Variants in MAP1A observed in about 807,000 individuals in gnomAD.
MAP1A encodes the protein microtubule-associated protein 1A.
MAP1A carries 42 observed loss-of-function variants against 185.9 expected under a neutral mutation model. The ratio of observed to expected loss-of-function variants is 0.23; its 90% CI spans 0.18 to 0.29. The LOEUF is 0.29. Among genes scored for constraint, MAP1A ranks in the 10% least tolerant of loss-of-function variants. MAP1A has a pLI of 1.00. For missense variants in MAP1A, 2,995 were observed against 3,450.4 expected, an observed-to-expected ratio of 0.87 and a Z score of 3.31; for synonymous variants, 1,229 against 1,335.9, an observed-to-expected ratio of 0.92 and a Z score of 1.74.
chr15:43,518,704 G>GCC (rs1415845642), intron 1 of MAP1A, among the ~76,000 whole-genome samples: 322 of 104,302 alleles, frequency 3.1e-3, no homozygotes, highest in African/African-American at 0.013. Flanking sequence ...CTGCACCGCA[G>GCC]CCCACCCCCC....
chr15:43,516,303 A>G (rs1258799793), upstream of MAP1A, among the ~76,000 whole-genome samples: 1 of 152,150 alleles, frequency 6.6e-6, no homozygotes, highest in African/African-American at 2.4e-5. Context: ...TCAACCCCCA[A>G]GAGTACTAGT....
Position 43,524,503 on chromosome 15 carries a change from T to C in MAP1A, c.3030T>C (p.Phe1010=), listed in dbSNP as rs975365558. ...SGPPSATHTP[F]HQSPVEEKSE... ...CACCCAGTGCCACCCACACACCCTT[T>C]CATCAGTCCCCAGTGGAAGAAAAGT... is the stretch of plus-strand genomic sequence containing the variant. Residue 1010 remains phenylalanine (F), a synonymous_variant, in exon 4 of 6, where the codon TTT becomes TTC. Transcript: ENST00000300231. 17 of 1,613,954 alleles carry C rather than the reference T, an allele frequency of 1.1e-5. No individual in the cohort carries two copies. The highest frequency in any genetic ancestry group is 1.4e-5 in the Non-Finnish European group (16 of 1,180,030).
chr15:43,524,138 G>A lies in MAP1A; in HGVS notation c.2665G>A (p.Val889Met), dbSNP rs1264781418. Residue 889 changes from valine (V) to methionine (M), a missense_variant, in exon 4 of 6, where the codon GTG becomes ATG. Physicochemically the swap from Val to Met is conservative, Grantham distance 21. Around this residue, in one of 3 missense-constraint regions of MAP1A, gnomAD observed 2,728 missense variants for 2,986.0 expected, o/e 0.91. Transcript: ENST00000300231. ...TGAAGCTACGCAGGGCTTGGACTAT[G>A]TGCCATCAGCTGGTACCATCTCACC... The part of the protein sequence containing the change: ...RTEATQGLDY[V>M]PSAGTISPTS... 1.2e-6 allele frequency: 2 copies of A among 1,614,184 alleles called. No individual in the cohort carries two copies. The highest frequency in any genetic ancestry group is 1.7e-6 in the Non-Finnish European group (2 of 1,180,040).
rs1363596694 is a variant in MAP1A, at chr15:43,527,328, A to G, written c.5855A>G (p.Glu1952Gly). 12 of 1,613,992 alleles carry G rather than the reference A, an allele frequency of 7.4e-6. No homozygotes were observed. Among genetic ancestry groups the G allele is most frequent in the African/African-American group, 1.3e-5 (1 of 74,888 alleles). Residue 1952 changes from glutamate to glycine, a missense_variant, in exon 4 of 6, where the codon GAG (glutamate) becomes GGG (glycine). Around this residue, in one of 3 missense-constraint regions of MAP1A, gnomAD observed 2,728 missense variants for 2,986.0 expected, o/e 0.91. Transcript: ENST00000300231. ...ATTEPEQTEPEQREPTPYPDE... is the reference protein window; with the variant it reads ...ATTEPEQTEPGQREPTPYPDE... ...ACGGAGCCTGAGCAGACTGAGCCGGAGCAGAGAGAGCCCACACCCTATCCT... is the reference window on the plus strand; with the variant it reads ...ACGGAGCCTGAGCAGACTGAGCCGGGGCAGAGAGAGCCCACACCCTATCCT...
upstream of MAP1A, among the ~76,000 whole-genome samples, chr15:43,513,338 A>AG (rs1236532359): frequency 6.6e-6 from 1 of 152,282 alleles, no homozygotes; most frequent in East Asian, 1.9e-4. Flanking sequence ...AGGAAAAAAA[A>AG]AAAAAGAAAA....
rs779810665 is a variant in MAP1A at position 43,528,002 on chromosome 15, C to T, written c.6529C>T (p.Pro2177Ser). 3 of 1,613,952 alleles carry T rather than the reference C, an allele frequency of 1.9e-6. No individual in the cohort carries two copies. Among genetic ancestry groups the T allele is most frequent in the Admixed American group, 1.7e-5 (1 of 60,024 alleles). The change falls in exon 4 of 6, where the codon CCC becomes TCC. Residue 2177 changes from proline (P) to serine (S), a missense_variant. By Grantham distance (74) the Pro-to-Ser change is moderately conservative (BLOSUM62 -1). Coordinates refer to ENST00000300231, the MANE Select transcript of MAP1A (RefSeq NM_002373.6). ...AFGFSSLQPA[P>S]PQLPSPAEPR... Reference sequence around the variant, plus strand: ...TGGCTTCTCCTCATTGCAGCCAGCTCCCCCACAGCTGCCCTCTCCAGCTGA... The same window carrying T: ...TGGCTTCTCCTCATTGCAGCCAGCTTCCCCACAGCTGCCCTCTCCAGCTGA...
Position 43,521,530 on chromosome 15 carries a change from C to A in MAP1A, c.57C>A (p.Ser19=). ...TCTCTGAGACTGTGGACGTGCCATC[C>A]CCATTTGACCTACTAGAGCCCCCCA... ...EYVSETVDVP[S]PFDLLEPPTS... is the part of the protein sequence containing the mutation. The change falls in exon 4 of 6, where the codon TCC becomes TCA. Residue 19 remains serine (S), a synonymous_variant. Coordinates refer to ENST00000300231, the MANE Select transcript of MAP1A (RefSeq NM_002373.6). The surrounding 1 kb of genome is among the most constrained non-coding windows in gnomAD (Gnocchi z 4.6). 6.2e-7 allele frequency: 1 copy of A among 1,614,144 alleles called. No homozygotes were observed.
At chr15:43,520,803 G>A in intron 2 of MAP1A, 80 bp downstream of exon 2, 2 of 1,357,484 alleles carry the variant, frequency 1.5e-6, no homozygotes, top group Non-Finnish European at 1.0e-6. Flanking sequence ...CCACTATTAG[G>A]CCAAGAATTC....
At position 43,522,303 on chromosome 15, in the gene MAP1A, T is replaced by C. The variant is rs1219694485; in HGVS notation, c.830T>C (p.Leu277Ser). 1.2e-6 allele frequency: 2 copies of C among 1,614,114 alleles called. No homozygotes were observed. Among genetic ancestry groups the C allele is most frequent in the Admixed American group, 1.7e-5 (1 of 60,008 alleles). ...GGAAATGCTCCCCAAAACAAGATCT[T>C]GGAGGGCCTAGAAAAGCTTCGGCAT... ...FPGNAPQNKI[L>S]EGLEKLRHLD... The change falls in exon 4 of 6, where the codon TTG becomes TCG. Residue 277 changes from leucine (L) to serine (S), a missense_variant. Physicochemically the swap from Leu to Ser is moderately radical, Grantham distance 145. This residue lies in a region of MAP1A where 264 missense variants were observed against 435.3 expected (regional missense o/e 0.61). Transcript: ENST00000300231. This position sits in a 1 kb window ranked among gnomAD's most constrained non-coding sequence, Gnocchi z 5.9.
At position 43,527,810 on chromosome 15, in the gene MAP1A, G is replaced by A. The variant is rs1180904836; in HGVS notation, c.6337G>A (p.Gly2113Arg). 1 of 1,613,846 alleles carries A rather than the reference G, an allele frequency of 6.2e-7. No individual in the cohort carries two copies. The highest frequency in any genetic ancestry group is 8.5e-7 in the Non-Finnish European group (1 of 1,179,858). Residue 2113 changes from glycine (G) to arginine (R), a missense_variant, in exon 4 of 6, where the codon GGG (glycine) becomes AGG (arginine). Around this residue, in one of 3 missense-constraint regions of MAP1A, gnomAD observed 2,728 missense variants for 2,986.0 expected, o/e 0.91. Transcript: ENST00000300231. Reference protein sequence around the residue: ...DSTSDSELEKGAREQPEKEAQ... With the variant: ...DSTSDSELEKRAREQPEKEAQ... ...CACTAGTGACTCAGAACTGGAGAAG[G>A]GGGCTCGGGAACAGCCAGAAAAAGA...
At position 43,517,651 on chromosome 15, in the gene MAP1A, C is replaced by T; in HGVS notation, c.-424C>T. 1.0e-6 allele frequency: 1 copy of T among 983,032 alleles called. No homozygotes were observed. The highest frequency in any genetic ancestry group is 1.2e-6 in the Non-Finnish European group (1 of 829,306). 60.9% of individuals were successfully genotyped at this position (983,032 alleles called of 1,614,324 possible). ...GCAGACTCTTCCCTGAAGCTGCCGGCTGAGGCCGGAGCTGCCGCCTCCATG... is the reference window on the plus strand; with the variant it reads ...GCAGACTCTTCCCTGAAGCTGCCGGTTGAGGCCGGAGCTGCCGCCTCCATG... On this transcript the variant is annotated 5_prime_UTR_variant, in exon 1 of 6. Coordinates refer to ENST00000300231, the MANE Select transcript of MAP1A (RefSeq NM_002373.6).
At chr15:43,512,141 C>A in intron 1 of MAP1A, 1 of 1,100,760 alleles carries the variant, frequency 9.1e-7, no homozygotes, top group Non-Finnish European at 1.4e-6. Flanking sequence ...GTCTCACCAC[C>A]CTACAACCTG....
In MAP1A at chr15:43,528,844, G is replaced by T; in HGVS notation, c.7371G>T (p.Leu2457=). Residue 2457 remains leucine, a synonymous_variant, in exon 4 of 6, where the codon CTG becomes CTT. Coordinates refer to ENST00000300231, the MANE Select transcript of MAP1A (RefSeq NM_002373.6). ...ELSPSFLNPP[L]PPSIDDRDLS... Reference sequence around the variant, plus strand: ...CCCCATCCTTCCTGAACCCACCTCTGCCCCCATCCATAGATGATAGGGACC... The same window carrying T: ...CCCCATCCTTCCTGAACCCACCTCTTCCCCCATCCATAGATGATAGGGACC... The T allele has an allele frequency of 1.1e-5, 18 of 1,613,392 alleles. No individual in the cohort carries two copies. Among genetic ancestry groups the T allele is most frequent in the Non-Finnish European group, 1.4e-5 (17 of 1,179,836 alleles).
In MAP1A at chr15:43,531,577, A is replaced by C. The variant is rs1370903253; in HGVS notation, c.*1353A>C. On this transcript the variant is annotated 3_prime_UTR_variant, in exon 6 of 6. Coordinates refer to ENST00000300231, the MANE Select transcript of MAP1A (RefSeq NM_002373.6). ...AGTTCCCAGCTGCTGTAACGGAGCC[A>C]CCTCCAACTCTAACAATAAACCAAG... 6.5e-6 allele frequency: 1 copy of C among 152,802 alleles called. No individual in the cohort carries two copies. The highest frequency in any genetic ancestry group is 2.4e-5 in the African/African-American group (1 of 41,436). 9.5% of individuals were successfully genotyped at this position (152,802 alleles called of 1,614,324 possible).
chr15:43,525,457 G>A lies in MAP1A; in HGVS notation c.3984G>A (p.Glu1328=), dbSNP rs1353739300. The A allele has an allele frequency of 6.2e-7, 1 of 1,614,186 alleles. No individual in the cohort carries two copies. The highest frequency in any genetic ancestry group is 8.5e-7 in the Non-Finnish European group (1 of 1,180,038). ...ATAGCTCCTTCTCCAAGAGTCCTGA[G>A]TCTTTGCCAGGCCCTGCCTTGGAGG... The part of the protein sequence containing the change: ...TPDSSFSKSP[E]SLPGPALEDI... The change falls in exon 4 of 6, where the codon GAG becomes GAA. Residue 1328 remains glutamate (E), a synonymous_variant. Coordinates refer to ENST00000300231, the MANE Select transcript of MAP1A (RefSeq NM_002373.6).
chr15:43,516,806 G>C (rs146927739), upstream of MAP1A, among the ~76,000 whole-genome samples: 121 of 152,312 alleles, frequency 7.9e-4, no homozygotes, highest in African/African-American at 2.8e-3. Flanking sequence ...AACCTTGCTT[G>C]GGCCGGAGGC....
upstream of MAP1A, among the ~76,000 whole-genome samples, chr15:43,517,008 C>T (rs1012903984): frequency 3.3e-5 from 5 of 152,196 alleles, no homozygotes; most frequent in East Asian, 3.9e-4. Context: ...CCCACCCCAA[C>T]AGGCTAGGGA....
Position 43,529,294 on chromosome 15 carries a change from C to T in MAP1A, c.7821C>T (p.Arg2607=), listed in dbSNP as rs2584720. The T allele has an allele frequency of 6.2e-7, 1 of 1,613,994 alleles. No homozygotes were observed. Among genetic ancestry groups the T allele is most frequent in the South Asian group, 1.1e-5 (1 of 91,082 alleles). ...EKEKVQGRVG[R]RAPGKAKPAS... ...AAAAGGTTCAGGGGCGAGTAGGGCG[C>T]AGGGCCCCAGGCAAGGCCAAGCCAG... is the stretch of plus-strand genomic sequence containing the variant. The change falls in exon 4 of 6, where the codon CGC becomes CGT. Residue 2607 remains arginine, a synonymous_variant. Coordinates refer to ENST00000300231, the MANE Select transcript of MAP1A (RefSeq NM_002373.6). This position sits in a 1 kb window ranked among gnomAD's most constrained non-coding sequence, Gnocchi z 4.3.
chr15:43,523,961 A>G lies in MAP1A; in HGVS notation c.2488A>G (p.Thr830Ala), dbSNP rs3803337. ...LAEEEHVSSA[T>A]SITECDKLSS... ...TGAAGAGGAACATGTGTCCTCGGCCACTTCAATCACTGAGTGTGACAAACT... is the reference window on the plus strand; with the variant it reads ...TGAAGAGGAACATGTGTCCTCGGCCGCTTCAATCACTGAGTGTGACAAACT... The change falls in exon 4 of 6, where the codon ACT (threonine) becomes GCT (alanine). Residue 830 changes from threonine to alanine, a missense_variant. Transcript: ENST00000300231. 1.9e-6 allele frequency: 3 copies of G among 1,614,104 alleles called. No homozygotes were observed. The East Asian group carries it at 6.7e-5, about 36-fold the overall frequency.
Sources: gnomAD v4.1 joint callset for allele counts (sites outside exome capture counted in the v4.1 genomes callset) on GRCh38, gnomAD v4.1.1 for gene constraint, gnomAD v4.1.1 regional missense constraint, Gnocchi (gnomAD v3.1) non-coding constraint, MANE v1.5 for transcripts, NCBI Gene and HGNC (gene_info 2026-07-23, HGNC 2026-07-21) for gene names.